Variants in PPEF1 observed in about 807,000 individuals in gnomAD.
The protein encoded by PPEF1 is protein phosphatase with EF-hand domain 1.
In PPEF1, 12 loss-of-function variants were observed where a neutral mutation model predicts 53.3. The observed-to-expected ratio is 0.23, with a 90% CI of 0.14 to 0.36. The LOEUF (loss-of-function observed/expected upper bound fraction) is 0.36. PPEF1 is among the 10% of genes least tolerant of loss of function. The pLI is 1.00. For missense variants in PPEF1, 334 were observed against 490.4 expected, an observed-to-expected ratio of 0.68 and a Z score of 3.01; for synonymous variants, 165 against 176.7, an observed-to-expected ratio of 0.93 and a Z score of 0.52.
chrX:18,780,571 G>A (rs1416466858), intron 7 of PPEF1, among the ~76,000 whole-genome samples: 1 of 112,109 alleles, frequency 8.9e-6, no homozygotes, highest in Non-Finnish European at 1.9e-5. Context: ...TGCAGTAGGA[G>A]GAGAGAGTTG....
At chrX:18,695,198 G>A (rs1454155946) in intron 4 of PPEF1, among the ~76,000 whole-genome samples, 1 of 112,349 alleles carries the variant, frequency 8.9e-6, no homozygotes, top group Non-Finnish European at 1.9e-5. Context: ...TTTGACTGAG[G>A]GCCTTAGTTC....
chrX:18,735,865 T>C (rs1026052684), intron 3 of PPEF1, among the ~76,000 whole-genome samples: 8 of 111,979 alleles, frequency 7.1e-5, no homozygotes, highest in Non-Finnish European at 1.5e-4. Context: ...GTTGAATTCC[T>C]ACGTATTTTA....
intron 9 of PPEF1, 131 bp downstream of exon 9, chrX:18,784,179 G>A: frequency 1.8e-6 from 1 of 560,620 alleles, no homozygotes; most frequent in Non-Finnish European, 2.5e-6. Context: ...TTTTATTAGA[G>A]TATATAAAAG....
intron 3 of PPEF1, among the ~76,000 whole-genome samples, chrX:18,747,866 G>A (rs900373972): frequency 7.1e-5 from 8 of 112,139 alleles, no homozygotes; most frequent in African/African-American, 2.3e-4. Context: ...GCGGGTTTTT[G>A]TGGGTTTTTG....
At chrX:18,704,953 C>A (rs757986953), upstream of PPEF1, among the ~76,000 whole-genome samples, 2 of 111,527 alleles carry the variant, frequency 1.8e-5, no homozygotes, top group East Asian at 5.6e-4. Flanking sequence ...TGACATGGGA[C>A]AAGTTGCTTA....
At chrX:18,825,023 C>T (rs2047140465) in intron 14 of PPEF1, among the ~76,000 whole-genome samples, 1 of 111,455 alleles carries the variant, frequency 9.0e-6, no homozygotes, top group Non-Finnish European at 1.9e-5. Context: ...GCTTGTTAAG[C>T]CTGAGTGTAC....
chrX:18,745,511 A>G (rs754228112), intron 3 of PPEF1, among the ~76,000 whole-genome samples: 1 of 109,854 alleles, frequency 9.1e-6, no homozygotes, highest in South Asian at 3.8e-4. Context: ...GAGTTTTTCA[A>G]TTGATTTTCT....
chrX:18,689,493 C>T (rs1929243809), intron 3 of PPEF1, among the ~76,000 whole-genome samples: 1 of 104,949 alleles, frequency 9.5e-6, no homozygotes, highest in South Asian at 4.5e-4. Flanking sequence ...AGAGTGAGAC[C>T]CTGTCTCAAA....
chrX:18,814,527 T>C (rs1372746831), intron 12 of PPEF1, among the ~76,000 whole-genome samples: 3 of 112,167 alleles, frequency 2.7e-5, no homozygotes, highest in African/African-American at 6.5e-5. Flanking sequence ...TTCTGAATAA[T>C]AGTCATTCTG....
chrX:18,747,857 C>T (rs189602904), intron 3 of PPEF1, among the ~76,000 whole-genome samples: 77 of 111,917 alleles, frequency 6.9e-4, no homozygotes, highest in African/African-American at 2.1e-3. Context: ...GAAAGTACTG[C>T]GGGTTTTTGT....
At chrX:18,808,000 C>T (rs761525074) in intron 12 of PPEF1, among the ~76,000 whole-genome samples, 1 of 86,428 alleles carries the variant, frequency 1.2e-5, no homozygotes, top group Non-Finnish European at 2.2e-5. Flanking sequence ...CGGAGTCTTG[C>T]TCTGTTGCCA....
At chrX:18,715,650 A>G (rs2044436060) in intron 1 of PPEF1, among the ~76,000 whole-genome samples, 1 of 112,062 alleles carries the variant, frequency 8.9e-6, no homozygotes. Context: ...TGCTACTCTC[A>G]TTATTTCTTA....
intron 5 of PPEF1, among the ~76,000 whole-genome samples, chrX:18,760,969 C>T (rs2045651935): frequency 9.1e-6 from 1 of 109,581 alleles, no homozygotes; most frequent in Non-Finnish European, 1.9e-5. Context: ...TTAGTAGAGA[C>T]GGGGTTTCGC....
chrX:18,746,346 G>A (rs1459013248), intron 3 of PPEF1, among the ~76,000 whole-genome samples: 2 of 111,685 alleles, frequency 1.8e-5, no homozygotes, highest in Non-Finnish European at 3.8e-5. Flanking sequence ...TCTTTTTTAT[G>A]TTGCTAAAAA....
chrX:18,822,068 G>T (rs2047072612), intron 13 of PPEF1, among the ~76,000 whole-genome samples: 1 of 111,286 alleles, frequency 9.0e-6, no homozygotes, highest in African/African-American at 3.3e-5. Context: ...ACTCTCTTTG[G>T]GCTGTGCACC....
intron 10 of PPEF1, among the ~76,000 whole-genome samples, chrX:18,789,582 A>T (rs2046288637): frequency 8.9e-6 from 1 of 112,026 alleles, no homozygotes; most frequent in Non-Finnish European, 1.9e-5. Context: ...ATCATTCCCC[A>T]TTCCCTTCTG....
At position 18,779,524 on chromosome X, in the gene PPEF1, C is replaced by T. The variant is rs913837101; in HGVS notation, c.725+348C>T. 4.5e-5 allele frequency among the ~76,000 whole-genome samples: 5 copies of T among 112,080 alleles called. No homozygotes were observed. In the East Asian group the frequency reaches 1.1e-3, roughly 25 times the overall value. ...CAGGTTCTTCGAACAGATTTGGATGCAGTCGTTCTGTTGCTACTCTTGGCT... is the reference window on the plus strand; with the variant it reads ...CAGGTTCTTCGAACAGATTTGGATGTAGTCGTTCTGTTGCTACTCTTGGCT... On this transcript the variant is annotated intron_variant, in intron 7 of 15. Transcript: ENST00000470157.
intron 6 of PPEF1, among the ~76,000 whole-genome samples, chrX:18,773,544 G>C (rs2045909472): frequency 8.9e-6 from 1 of 111,939 alleles, no homozygotes. Context: ...TATAACAACA[G>C]ATATATTTGA....
chrX:18,753,635 G>T (rs2147476612), intron 4 of PPEF1, among the ~76,000 whole-genome samples: 1 of 111,581 alleles, frequency 9.0e-6, no homozygotes, highest in Admixed American at 9.5e-5. Flanking sequence ...CATAAGTTTT[G>T]ATATGTTGTG....
Sources: gnomAD v4.1 joint callset for allele counts (sites outside exome capture counted in the v4.1 genomes callset) on GRCh38, gnomAD v4.1.1 for gene constraint, MANE v1.5 for transcripts, NCBI Gene and HGNC (gene_info 2026-07-23, HGNC 2026-07-21) for gene names.